R3HDM1: variants seen among roughly 807,000 people sequenced by gnomAD.
R3HDM1 encodes the protein R3H domain-containing protein 1.
In R3HDM1, 46 loss-of-function variants were observed where a neutral mutation model predicts 141.1. That is an observed-to-expected ratio of 0.33 (90% CI 0.26 to 0.42). The LOEUF is 0.42. R3HDM1 is among the 10% of genes least tolerant of loss of function. The probability of loss-of-function intolerance (pLI) is 1.00; values close to 1 mark genes in which losing one functional copy is unlikely to be tolerated. For synonymous variants in R3HDM1, 435 were observed against 472.9 expected (o/e 0.92, Z 1.04); for missense variants, 1,184 against 1,368.3 (o/e 0.87, Z 2.12).
chr2:135,681,739 T>A (rs547098939), intron 21 of R3HDM1, among the ~76,000 whole-genome samples: 2 of 152,304 alleles, frequency 1.3e-5, no homozygotes, highest in South Asian at 4.1e-4. Context: ...AAAGGGTTCA[T>A]GATCTCAACC....
At chr2:135,667,311 TTGTGCTTTCC>T in intron 19 of R3HDM1, 1 of 807,488 alleles carries the variant, frequency 1.2e-6, no homozygotes, top group Non-Finnish European at 1.5e-6. Context: ...GCAGAATTGA[TTGTGCTTTCC>T]TCTGAAAGTG....
At chr2:135,554,883 C>T (rs887329665) in intron 1 of R3HDM1, among the ~76,000 whole-genome samples, 1 of 152,168 alleles carries the variant, frequency 6.6e-6, no homozygotes, top group Admixed American at 6.5e-5. Flanking sequence ...GTTTGTCATA[C>T]TTTGTCACAG....
intron 26 of R3HDM1, 87 bp from the exon 27 acceptor site, chr2:135,723,850 C>T (rs2076948508): frequency 1.1e-6 from 1 of 883,604 alleles, no homozygotes; most frequent in African/African-American, 1.7e-5. Context: ...ATGGTCATTT[C>T]CCATGTCATA....
chr2:135,707,581 C>G (rs926038414), intron 21 of R3HDM1, among the ~76,000 whole-genome samples: 4 of 152,186 alleles, frequency 2.6e-5, no homozygotes, highest in Non-Finnish European at 5.9e-5. Context: ...TGAGTATTCC[C>G]TTCCCTTTGC....
chr2:135,618,410 C>T (rs1174043023), intron 5 of R3HDM1, among the ~76,000 whole-genome samples: 1 of 151,428 alleles, frequency 6.6e-6, no homozygotes, highest in Non-Finnish European at 1.5e-5. Flanking sequence ...GATCCACCTG[C>T]CTCTGCCTCC....
chr2:135,626,882 G>A (rs1391971606), intron 7 of R3HDM1, among the ~76,000 whole-genome samples: 1 of 152,044 alleles, frequency 6.6e-6, no homozygotes, highest in East Asian at 1.9e-4. Flanking sequence ...CCCTGTTCTG[G>A]ACATCTCATA....
At chr2:135,571,113 T>C (rs1164351853) in intron 1 of R3HDM1, among the ~76,000 whole-genome samples, 1 of 152,192 alleles carries the variant, frequency 6.6e-6, no homozygotes, top group Non-Finnish European at 1.5e-5. Flanking sequence ...TAATGAGGAA[T>C]ATAAAATGTT....
intron 19 of R3HDM1, among the ~76,000 whole-genome samples, chr2:135,666,585 G>A (rs748849450): frequency 4.6e-5 from 7 of 152,168 alleles, no homozygotes; most frequent in Non-Finnish European, 1.0e-4. Flanking sequence ...TCCTTGAGTT[G>A]TATAGACTCT....
chr2:135,576,582 C>T (rs1484214383), intron 1 of R3HDM1, among the ~76,000 whole-genome samples: 3 of 152,200 alleles, frequency 2.0e-5, no homozygotes, highest in South Asian at 4.2e-4. Flanking sequence ...TTATTCATAA[C>T]AGCCAAAAAA....
chr2:135,609,917 A>C (rs1412749109), intron 3 of R3HDM1, among the ~76,000 whole-genome samples: 2 of 151,938 alleles, frequency 1.3e-5, no homozygotes, highest in Admixed American at 6.6e-5. Flanking sequence ...GGTGGCATGC[A>C]CTTGTAGTCC....
At chr2:135,565,911 CA>C (rs1327222029) in intron 1 of R3HDM1, 2 of 152,066 alleles carry the variant, frequency 1.3e-5, no homozygotes, top group African/African-American at 4.8e-5. Flanking sequence ...TATTGGTGAT[CA>C]AACAAAGAAA....
intron 2 of R3HDM1, among the ~76,000 whole-genome samples, chr2:135,604,034 T>C (rs1309452599): frequency 6.6e-6 from 1 of 152,224 alleles, no homozygotes; most frequent in Non-Finnish European, 1.5e-5. Flanking sequence ...TGAAAATATA[T>C]TGGAATCTTA....
At chr2:135,655,431 T>G (rs1224222095) in intron 18 of R3HDM1, among the ~76,000 whole-genome samples, 1 of 152,164 alleles carries the variant, frequency 6.6e-6, no homozygotes, top group African/African-American at 2.4e-5. Flanking sequence ...TTGTAGTAAC[T>G]TTTAAAAATG....
intron 3 of R3HDM1, among the ~76,000 whole-genome samples, chr2:135,613,993 A>G (rs1025423278): frequency 2.0e-5 from 3 of 152,202 alleles, no homozygotes; most frequent in African/African-American, 7.2e-5. Flanking sequence ...TTCTGAAGAT[A>G]TGGGGTTCTG....
At chr2:135,669,270 G>C in intron 19 of R3HDM1, 1 of 985,328 alleles carries the variant, frequency 1.0e-6, no homozygotes, top group Non-Finnish European at 1.2e-6. Flanking sequence ...CTAATCATAT[G>C]CTTATTTACA....
intron 18 of R3HDM1, among the ~76,000 whole-genome samples, chr2:135,655,878 C>CA (rs973933721): frequency 7.9e-5 from 12 of 151,860 alleles, no homozygotes; most frequent in Non-Finnish European, 1.6e-4. Context: ...TCTGTTTCTG[C>CA]AAAAAAAGAC....
At chr2:135,595,932 T>C (rs931736298) in intron 1 of R3HDM1, among the ~76,000 whole-genome samples, 3 of 152,314 alleles carry the variant, frequency 2.0e-5, no homozygotes, top group Admixed American at 2.0e-4. Flanking sequence ...CTCCCTGGCT[T>C]CTCTTAAAAT....
intron 1 of R3HDM1, chr2:135,531,842 G>C: frequency 1.0e-6 from 1 of 985,404 alleles, no homozygotes; most frequent in East Asian, 1.1e-4. Flanking sequence ...CCGTTAGGTC[G>C]GGTTCCGAGT....
chr2:135,549,574 A>C (rs1003017396), intron 1 of R3HDM1, among the ~76,000 whole-genome samples: 7 of 151,224 alleles, frequency 4.6e-5, no homozygotes, highest in African/African-American at 9.8e-5. Context: ...AAAAAAAAAA[A>C]AAAAAAACAA....
Sources: allele counts gnomAD v4.1 joint callset (sites outside exome capture counted in the v4.1 genomes callset), GRCh38; gene constraint gnomAD v4.1.1; transcripts MANE v1.5; gene names NCBI Gene and HGNC (gene_info 2026-07-23, HGNC 2026-07-21).